SKI: variants seen among roughly 807,000 people sequenced by gnomAD.
The protein encoded by SKI is ski oncogene.
A neutral mutation model predicts 59.3 loss-of-function variants in SKI; 23 were observed. The ratio of observed to expected loss-of-function variants is 0.39; its 90% CI spans 0.28 to 0.55. The LOEUF is 0.55. Ranked by LOEUF, SKI falls within the 20% of genes least tolerant of loss-of-function variation. The pLI is 0.67. For synonymous variants in SKI, 673 were observed against 488.6 expected, an observed-to-expected ratio of 1.38 and a Z score of -4.98; for missense variants, 1,017 against 1,038.9, an observed-to-expected ratio of 0.98 and a Z score of 0.29.
rs1381348497 is a variant in SKI, at chr1:2,306,753, G to C, written c.2175G>C (p.Glu725Asp). 2.6e-6 allele frequency: 4 copies of C among 1,522,078 alleles called. No individual in the cohort carries two copies. Among genetic ancestry groups the C allele is most frequent in the Non-Finnish European group, 3.5e-6 (4 of 1,138,100 alleles). 94.3% of individuals were successfully genotyped at this position (1,522,078 alleles called of 1,614,324 possible). ...PEAAGSEGAAELEP is the reference protein window; with the variant it reads ...PEAAGSEGAADLEP ...CTGCGGGCAGCGAGGGCGCTGCGGA[G>C]CTGGAGCCGTAGATTCCGTGCCTGC... Residue 725 changes from glutamate (E) to aspartate (D), a missense_variant, in exon 7 of 7, where the codon GAG (glutamate) becomes GAC (aspartate). Physicochemically the swap from Glu to Asp is conservative, Grantham distance 45. Transcript: ENST00000378536.
chr1:2,234,961 C>G (rs1399417999), intron 1 of SKI, among the ~76,000 whole-genome samples: 2 of 151,972 alleles, frequency 1.3e-5, no homozygotes, highest in East Asian at 3.9e-4. Context: ...CACCTGGCCT[C>G]CAGAGCGGGT....
At chr1:2,302,934 C>T (rs200426538) in intron 1 of SKI, 44 bp from the exon 2 acceptor site, 2 of 1,612,870 alleles carry the variant, frequency 1.2e-6, no homozygotes, top group East Asian at 2.2e-5. Flanking sequence ...AGGGACCCTG[C>T]CCTGGGAACC....
chr1:2,229,168 C>G lies in SKI; in HGVS notation c.402C>G (p.Phe134Leu), dbSNP rs773310002. ...PQILNSVLRD[F>L]SLQQINAVCD... is the part of the protein sequence containing the mutation. ...TTCTCAACTCGGTGCTGCGCGACTTCTCGCTGCAGCAGATCAACGCGGTGT... is the reference window on the plus strand; with the variant it reads ...TTCTCAACTCGGTGCTGCGCGACTTGTCGCTGCAGCAGATCAACGCGGTGT... Residue 134 changes from phenylalanine to leucine, a missense_variant, in exon 1 of 7, where the codon TTC (phenylalanine) becomes TTG (leucine). By Grantham distance (22) the Phe-to-Leu change is conservative. Transcript: ENST00000378536. This position sits in a 1 kb window ranked among gnomAD's most constrained non-coding sequence, Gnocchi z 6.3. 2 of 1,611,768 alleles carry G rather than the reference C, an allele frequency of 1.2e-6. No homozygotes were observed. Among genetic ancestry groups the G allele is most frequent in the East Asian group, 2.2e-5 (1 of 44,848 alleles).
intron 1 of SKI, among the ~76,000 whole-genome samples, chr1:2,296,233 A>C (rs531403556): frequency 1.3e-5 from 2 of 152,110 alleles, no homozygotes; most frequent in South Asian, 4.2e-4. Context: ...AACAAAAAAA[A>C]AAAAACAAAA....
In SKI at chr1:2,303,943, G is replaced by T. The variant is rs575093513; in HGVS notation, c.1315G>T (p.Val439Phe). The change falls in exon 4 of 7, where the codon GTC becomes TTC. Residue 439 changes from valine (V) to phenylalanine (F), a missense_variant. Transcript: ENST00000378536. The surrounding 1 kb of genome is among the most constrained non-coding windows in gnomAD (Gnocchi z 5.6). ...VVSSPPCAAAVSRAPEPLATC... is the reference protein window; with the variant it reads ...VVSSPPCAAAFSRAPEPLATC... ...GAGCAGCCCTCCGTGTGCCGCCGCC[G>T]TCTCCCGGGCCCCCGAGCCTCTCGC... 7 of 1,611,718 alleles carry T rather than the reference G, an allele frequency of 4.3e-6. No individual in the cohort carries two copies. In the East Asian group the frequency reaches 8.9e-5, roughly 21 times the overall value.
At chr1:2,300,152 A>G (rs954317137) in intron 1 of SKI, among the ~76,000 whole-genome samples, 3 of 152,206 alleles carry the variant, frequency 2.0e-5, no homozygotes, top group African/African-American at 7.2e-5. Flanking sequence ...CCTGCTGGCC[A>G]GGTAGCTTGC....
chr1:2,263,413 T>C (rs1472726593), intron 1 of SKI, among the ~76,000 whole-genome samples: 1 of 151,482 alleles, frequency 6.6e-6, no homozygotes, highest in South Asian at 2.1e-4. Flanking sequence ...AATTTTTGTA[T>C]TTTTAATAGA....
At chr1:2,297,835 A>G (rs1489297443) in intron 1 of SKI, among the ~76,000 whole-genome samples, 1 of 152,218 alleles carries the variant, frequency 6.6e-6, no homozygotes, top group Non-Finnish European at 1.5e-5. Flanking sequence ...CAGGTCTGAG[A>G]CTGGCCACTC....
At chr1:2,273,594 G>A (rs955673081) in intron 1 of SKI, among the ~76,000 whole-genome samples, 1 of 152,204 alleles carries the variant, frequency 6.6e-6, no homozygotes, top group African/African-American at 2.4e-5. Flanking sequence ...GTGAGCCAGG[G>A]CAGAGGTGCA....
chr1:2,265,478 C>T (rs1396049458), intron 1 of SKI, among the ~76,000 whole-genome samples: 1 of 152,104 alleles, frequency 6.6e-6, no homozygotes. Context: ...TCTTTCGTGT[C>T]TTTATTTTAC....
chr1:2,275,583 G>A (rs1020927858), intron 1 of SKI, among the ~76,000 whole-genome samples: 3 of 152,202 alleles, frequency 2.0e-5, no homozygotes, highest in African/African-American at 4.8e-5. Context: ...GCGCGATCTC[G>A]GCTCACTGCA....
intron 1 of SKI, among the ~76,000 whole-genome samples, chr1:2,289,494 C>T (rs1217901818): frequency 7.5e-6 from 1 of 132,684 alleles, no homozygotes; most frequent in Admixed American, 7.5e-5. Context: ...GAACCAAGAT[C>T]GTGGGGGTGG....
rs949060652 is a variant in SKI, at chr1:2,268,931, C to T, written c.970-34047C>T. 6.7e-6 allele frequency among the ~76,000 whole-genome samples: 1 copy of T among 150,178 alleles called. No homozygotes were observed. The highest frequency in any genetic ancestry group is 1.5e-5 in the Non-Finnish European group (1 of 67,654). ...ATTTCCCTTTTCCCTCCCTCCCTCT[C>T]TTTCCTTCTCTCCTTCTCTCCCTCT... On this transcript the variant is annotated intron_variant, in intron 1 of 6. Coordinates refer to ENST00000378536, the MANE Select transcript of SKI (RefSeq NM_003036.4). The surrounding 1 kb of genome is among the most constrained non-coding windows in gnomAD (Gnocchi z 5.0).
Position 2,228,996 on chromosome 1 carries a change from C to G in SKI, c.230C>G (p.Pro77Arg). 6.4e-7 allele frequency: 1 copy of G among 1,555,332 alleles called. No homozygotes were observed. The highest frequency in any genetic ancestry group is 1.2e-5 in the South Asian group (1 of 86,272). Reference sequence around the variant, plus strand: ...GAGCCGCCGCCCGTGCTGCACCTGCCCGCCATCCAGCCGCCGCCGCCCGTG... The same window carrying G: ...GAGCCGCCGCCCGTGCTGCACCTGCGCGCCATCCAGCCGCCGCCGCCCGTG... The part of the protein sequence containing the change: ...ATEPPPVLHL[P>R]AIQPPPPVLP... Residue 77 changes from proline to arginine, a missense_variant, in exon 1 of 7, where the codon CCC becomes CGC. Transcript: ENST00000378536.
chr1:2,230,970 T>G (rs1260087378), intron 1 of SKI, among the ~76,000 whole-genome samples: 2 of 152,030 alleles, frequency 1.3e-5, no homozygotes, highest in Non-Finnish European at 1.5e-5. Context: ...TGCATGTGTG[T>G]GTGCATGTGT....
At chr1:2,296,579 G>A (rs1379673520) in intron 1 of SKI, among the ~76,000 whole-genome samples, 1 of 152,196 alleles carries the variant, frequency 6.6e-6, no homozygotes, top group East Asian at 1.9e-4. Context: ...GTTGTGTTTT[G>A]TGTTTTCCTT....
chr1:2,274,409 C>T (rs1639697630), intron 1 of SKI, among the ~76,000 whole-genome samples: 1 of 152,076 alleles, frequency 6.6e-6, no homozygotes, highest in East Asian at 1.9e-4. Context: ...GGCTGTGCTG[C>T]GTGGGGTGCA....
intron 1 of SKI, among the ~76,000 whole-genome samples, chr1:2,264,551 G>A (rs573417416): frequency 6.6e-6 from 1 of 152,238 alleles, no homozygotes. Flanking sequence ...TTACAGGGGT[G>A]AGCCACTGCG....
rs1313449883 is a variant in SKI at position 2,269,977 on chromosome 1, G to A, written c.970-33001G>A. Among the ~76,000 whole-genome samples the A allele has an allele frequency of 7.1e-5, 10 of 140,988 alleles. No homozygotes were observed. Among genetic ancestry groups the A allele is most frequent in the Admixed American group, 6.3e-4 (9 of 14,258 alleles). 92.5% of individuals were successfully genotyped at this position (140,988 alleles called of 152,430 possible). A position where few individuals can be genotyped will look rare whatever the true frequency, so the allele number is the denominator to read the frequency against. On this transcript the variant is annotated intron_variant, in intron 1 of 6. Transcript: ENST00000378536. The surrounding 1 kb of genome is among the most constrained non-coding windows in gnomAD (Gnocchi z 4.7). Reference sequence around the variant, plus strand: ...GGGTCTCGTGGTGCCTGTGGCTGGCGTGGGTCTGGCGGGTCTGGTGGTGCC... The same window carrying A: ...GGGTCTCGTGGTGCCTGTGGCTGGCATGGGTCTGGCGGGTCTGGTGGTGCC...
Sources: allele counts gnomAD v4.1 joint callset (sites outside exome capture counted in the v4.1 genomes callset), GRCh38; gene constraint gnomAD v4.1.1; non-coding constraint Gnocchi (gnomAD v3.1); transcripts MANE v1.5; gene names NCBI Gene and HGNC (gene_info 2026-07-23, HGNC 2026-07-21).